Variants in DPRX observed in about 807,000 individuals in gnomAD.
The protein encoded by DPRX is divergent paired-related homeobox.
Under a neutral mutation model 8.4 loss-of-function variants are expected in DPRX, and 11 were observed. The observed-to-expected ratio is 1.31, with a 90% CI of 0.82 to 2.17. The LOEUF (loss-of-function observed/expected upper bound fraction) is 2.17, where lower values mean the gene tolerates loss of function less well. Among genes scored for constraint, DPRX ranks in the 30% most tolerant of loss-of-function variants. DPRX has a pLI of 0.00. For synonymous variants in DPRX, 72 were observed against 87.0 expected (o/e 0.83, Z 0.96); for missense variants, 211 against 236.7 (o/e 0.89, Z 0.71).
chr19:53,614,426 C>T, the DPRX span, among the ~76,000 whole-genome samples: 23 of 152,114 alleles, frequency 1.5e-4, no homozygotes, highest in South Asian at 1.0e-3. Context: ...AGGCGGACCA[C>T]GGTGGCTCAC....
the DPRX span, among the ~76,000 whole-genome samples, chr19:53,601,761 T>C: frequency 0.31 from 46,659 of 151,950 alleles, 7,351 homozygotes; most frequent in South Asian, 0.34. Flanking sequence ...GGATTACAGG[T>C]GTGAGCCACC....
At chr19:53,618,100 G>A in the DPRX span, among the ~76,000 whole-genome samples, 1 of 144,400 alleles carries the variant, frequency 6.9e-6, no homozygotes, top group Non-Finnish European at 1.6e-5. Context: ...CTAGATCGCT[G>A]CCACTGCACT....
chr19:53,618,094 A>G, the DPRX span, among the ~76,000 whole-genome samples: 2 of 151,122 alleles, frequency 1.3e-5, no homozygotes, highest in Non-Finnish European at 3.0e-5. Flanking sequence ...GTGAGCCTAG[A>G]TCGCTGCCAC....
chr19:53,619,657 A>G, the DPRX span, among the ~76,000 whole-genome samples: 1 of 149,754 alleles, frequency 6.7e-6, no homozygotes, highest in Non-Finnish European at 1.5e-5. Flanking sequence ...CCTGGGCGAC[A>G]AGAGTGAAAC....
At chr19:53,601,763 T>C in the DPRX span, among the ~76,000 whole-genome samples, 1 of 152,108 alleles carries the variant, frequency 6.6e-6, no homozygotes, top group Non-Finnish European at 1.5e-5. Context: ...ATTACAGGTG[T>C]GAGCCACCTC....
the DPRX span, among the ~76,000 whole-genome samples, chr19:53,626,679 C>G: frequency 2.0e-5 from 3 of 152,152 alleles, no homozygotes; most frequent in Non-Finnish European, 4.4e-5. Flanking sequence ...GAGTGTTAGT[C>G]AAGGCGTGAG....
chr19:53,635,805 A>G (rs2091109797), intron 2 of DPRX, among the ~76,000 whole-genome samples: 1 of 152,062 alleles, frequency 6.6e-6, no homozygotes, highest in Non-Finnish European at 1.5e-5. Flanking sequence ...TTCTTAGTGC[A>G]TGGGTGATAC....
the DPRX span, among the ~76,000 whole-genome samples, chr19:53,618,090 C>CT: frequency 6.6e-6 from 1 of 150,662 alleles, no homozygotes; most frequent in South Asian, 2.1e-4. Flanking sequence ...TGCAGTGAGC[C>CT]TAGATCGCTG....
chr19:53,612,991 T>C, the DPRX span, among the ~76,000 whole-genome samples: 1 of 151,984 alleles, frequency 6.6e-6, no homozygotes, highest in Non-Finnish European at 1.5e-5. Context: ...ATGGTCAGTG[T>C]TTACAGGGAA....
At chr19:53,629,982 G>GCA (rs1600569084), upstream of DPRX, 2 of 37,992 alleles carry the variant, frequency 5.3e-5, no homozygotes, top group South Asian at 6.0e-4. Flanking sequence ...CAAGGCAGAT[G>GCA]GATCACCTGA....
At chr19:53,616,604 A>C in the DPRX span, among the ~76,000 whole-genome samples, 1 of 152,194 alleles carries the variant, frequency 6.6e-6, no homozygotes, top group Non-Finnish European at 1.5e-5. Context: ...AAAATACAAA[A>C]TTAGCCAGGT....
the DPRX span, among the ~76,000 whole-genome samples, chr19:53,610,272 A>G: frequency 6.6e-6 from 1 of 151,810 alleles, no homozygotes; most frequent in African/African-American, 2.4e-5. Flanking sequence ...GTGAGCAGAG[A>G]TCACACCATT....
chr19:53,635,343 T>C (rs2091108195), intron 2 of DPRX, among the ~76,000 whole-genome samples: 1 of 151,914 alleles, frequency 6.6e-6, no homozygotes, highest in African/African-American at 2.4e-5. Context: ...TACAAAATAG[T>C]GTTGTTTTGT....
chr19:53,636,445 A>G (rs969195395), intron 2 of DPRX, 151 bp from the exon 3 acceptor site: 18 of 267,218 alleles, frequency 6.7e-5, no homozygotes, highest in South Asian at 2.2e-4. Flanking sequence ...AGGAAAAAAA[A>G]AGAAAAGTTA....
intron 1 of DPRX, among the ~76,000 whole-genome samples, chr19:53,632,464 C>A (rs941064080): frequency 2.0e-5 from 1 of 49,472 alleles, no homozygotes; most frequent in African/African-American, 8.1e-5. Context: ...CCACACCTGG[C>A]TAATTTTTTT....
At chr19:53,632,350 G>T (rs1184224866) in intron 1 of DPRX, among the ~76,000 whole-genome samples, 1 of 152,066 alleles carries the variant, frequency 6.6e-6, no homozygotes, top group African/African-American at 2.4e-5. Context: ...GCTCAGGCTG[G>T]AGTGCAGTGG....
chr19:53,603,232 A>G, the DPRX span: 1 of 428,670 alleles, frequency 2.3e-6, no homozygotes, highest in South Asian at 1.6e-5. Context: ...TGCGCCTACT[A>G]AGAAGGGCCA....
chr19:53,632,218 G>C, intron 1 of DPRX, 84 bp downstream of exon 1: 1 of 1,598,958 alleles, frequency 6.3e-7, no homozygotes, highest in Non-Finnish European at 8.6e-7. Flanking sequence ...AGAGGGACCA[G>C]GCGGCCGAAG....
At chr19:53,630,803 G>T (rs1277984067), upstream of DPRX, among the ~76,000 whole-genome samples, 2 of 151,838 alleles carry the variant, frequency 1.3e-5, no homozygotes, top group Non-Finnish European at 2.9e-5. Flanking sequence ...CAAGATAAAA[G>T]GTATACATGG....
Sources: allele counts gnomAD v4.1 joint callset (sites outside exome capture counted in the v4.1 genomes callset), GRCh38; gene constraint gnomAD v4.1.1; transcripts MANE v1.5; gene names NCBI Gene and HGNC (gene_info 2026-07-23, HGNC 2026-07-21).